Variants in ARHGEF38 observed in about 807,000 individuals in gnomAD.
The protein encoded by ARHGEF38 is Rho guanine nucleotide exchange factor (GEF) 38.
A neutral mutation model predicts 79.9 loss-of-function variants in ARHGEF38; 79 were observed. That is an observed-to-expected ratio of 0.99 (90% CI 0.82 to 1.19). The LOEUF (loss-of-function observed/expected upper bound fraction) is 1.19. ARHGEF38 is among the 50% of genes most tolerant of loss of function. The pLI is 0.00. For synonymous variants in ARHGEF38, 366 were observed against 328.3 expected (o/e 1.11, Z -1.24); for missense variants, 962 against 907.2 (o/e 1.06, Z -0.78).
intron 4 of ARHGEF38, among the ~76,000 whole-genome samples, chr4:105,631,969 G>A (rs759933665): frequency 1.2e-4 from 19 of 152,006 alleles, no homozygotes; most frequent in African/African-American, 2.4e-4. Context: ...ATGTACACCC[G>A]TCTGATCCTG....
chr4:105,581,477 C>T (rs1049603343), intron 1 of ARHGEF38, among the ~76,000 whole-genome samples: 7 of 152,152 alleles, frequency 4.6e-5, no homozygotes, highest in Non-Finnish European at 1.0e-4. Context: ...ACATATTTTA[C>T]ATGTCTATTG....
rs140007652 is a variant in ARHGEF38 at position 105,597,769 on chromosome 4, C to T, written c.384+8334C>T. Among the ~76,000 whole-genome samples the T allele has an allele frequency of 2.2e-3, 329 of 152,232 alleles. 4 individuals are homozygous for T. Among genetic ancestry groups the T allele is most frequent in the Non-Finnish European group, 7.9e-4 (54 of 68,014 alleles). On this transcript the variant is annotated intron_variant, in intron 2 of 13. Transcript: ENST00000420470. ...TTCTATTGTTTTGCAGGATGTTAGC[C>T]TTGGGGGAAACTTGGTAAAGGGTAC...
intron 1 of ARHGEF38, among the ~76,000 whole-genome samples, chr4:105,555,952 T>C (rs546729266): frequency 6.6e-6 from 1 of 152,286 alleles, no homozygotes; most frequent in Non-Finnish European, 1.5e-5. Context: ...ATTAAAACGA[T>C]AGAACATGGC....
At chr4:105,559,352 G>T (rs1200732789) in intron 1 of ARHGEF38, among the ~76,000 whole-genome samples, 1 of 152,116 alleles carries the variant, frequency 6.6e-6, no homozygotes, top group South Asian at 2.1e-4. Flanking sequence ...GCAGACTGTG[G>T]TTGCTGGTGT....
chr4:105,612,843 A>G (rs927934319), intron 2 of ARHGEF38, among the ~76,000 whole-genome samples: 7 of 152,154 alleles, frequency 4.6e-5, no homozygotes, highest in Non-Finnish European at 7.3e-5. Flanking sequence ...AAGGGTGTGC[A>G]TGAAATAACA....
intron 1 of ARHGEF38, among the ~76,000 whole-genome samples, chr4:105,557,598 TAAA>T (rs61065334): frequency 1.3e-4 from 18 of 137,056 alleles, no homozygotes; most frequent in Non-Finnish European, 1.1e-4. Flanking sequence ...TAGTGACCCT[TAAA>T]AAAAAAAAAA....
chr4:105,571,518 T>C (rs1478470920), intron 1 of ARHGEF38, among the ~76,000 whole-genome samples: 1 of 151,962 alleles, frequency 6.6e-6, no homozygotes, highest in African/African-American at 2.4e-5. Context: ...AAGACGGGTT[T>C]CACTGTGTTG....
chr4:105,597,788 A>G (rs944828320), intron 2 of ARHGEF38, among the ~76,000 whole-genome samples: 18 of 152,168 alleles, frequency 1.2e-4, no homozygotes, highest in African/African-American at 4.3e-4. Flanking sequence ...AACTTGGTAA[A>G]GGGTACATGG....
chr4:105,644,621 G>C (rs1729761037), intron 5 of ARHGEF38, among the ~76,000 whole-genome samples: 1 of 152,206 alleles, frequency 6.6e-6, no homozygotes, highest in African/African-American at 2.4e-5. Context: ...TAGTGATAGG[G>C]ATAGTAATAA....
chr4:105,585,559 G>T (rs1726993418), intron 1 of ARHGEF38, among the ~76,000 whole-genome samples: 1 of 152,002 alleles, frequency 6.6e-6, no homozygotes, highest in Admixed American at 6.6e-5. Context: ...TCAATTACAT[G>T]GTACTGCTTT....
intron 11 of ARHGEF38, 46 bp downstream of exon 11, chr4:105,666,366 C>T: frequency 6.8e-7 from 1 of 1,464,034 alleles, no homozygotes; most frequent in South Asian, 1.4e-5. Flanking sequence ...CACCTCTTTG[C>T]CTTATCCAAG....
intron 1 of ARHGEF38, among the ~76,000 whole-genome samples, chr4:105,569,529 G>A (rs1425580034): frequency 6.6e-6 from 1 of 152,222 alleles, no homozygotes; most frequent in Non-Finnish European, 1.5e-5. Context: ...AGTAAATCAT[G>A]GTCGTAAAAA....
intron 1 of ARHGEF38, among the ~76,000 whole-genome samples, chr4:105,561,435 GAATAGAATAGAATGGAATAGAATAGAATA>G (rs1560684386): frequency 2.2e-4 from 14 of 64,638 alleles, no homozygotes; most frequent in African/African-American, 1.1e-3. Context: ...GAATAGAATA[GAATAGAATAGAATGGAATAGAATAGAATA>G]GAATAGAATA....
intron 5 of ARHGEF38, 150 bp from the exon 6 acceptor site, chr4:105,645,038 T>C: frequency 1.5e-6 from 1 of 648,372 alleles, no homozygotes. Context: ...CTTTCTGTCG[T>C]CTTTTGCTCT....
intron 4 of ARHGEF38, among the ~76,000 whole-genome samples, chr4:105,635,637 A>G (rs986750505): frequency 2.0e-5 from 3 of 152,106 alleles, no homozygotes; most frequent in Non-Finnish European, 4.4e-5. Context: ...TATCTGGCAA[A>G]TAAAATTTCC....
chr4:105,584,128 G>T (rs925452200), intron 1 of ARHGEF38, among the ~76,000 whole-genome samples: 3 of 152,106 alleles, frequency 2.0e-5, no homozygotes, highest in African/African-American at 2.4e-5. Context: ...TTATGCTGTT[G>T]TTACAAAAAA....
At chr4:105,657,469 T>C (rs1478232348) in intron 9 of ARHGEF38, among the ~76,000 whole-genome samples, 1 of 152,208 alleles carries the variant, frequency 6.6e-6, no homozygotes, top group Non-Finnish European at 1.5e-5. Flanking sequence ...GCAGTTATTC[T>C]TATCTAACCA....
chr4:105,578,818 A>G (rs1726636686), intron 1 of ARHGEF38, among the ~76,000 whole-genome samples: 1 of 152,142 alleles, frequency 6.6e-6, no homozygotes, highest in African/African-American at 2.4e-5. Context: ...AAGTCTCTGG[A>G]AGACAGTTGA....
intron 3 of ARHGEF38, among the ~76,000 whole-genome samples, chr4:105,614,903 G>A (rs1176975641): frequency 6.6e-6 from 1 of 152,108 alleles, no homozygotes; most frequent in East Asian, 1.9e-4. Flanking sequence ...TTGAAGGTGT[G>A]GGTATAATAC....
Sources: gnomAD v4.1 joint callset for allele counts (sites outside exome capture counted in the v4.1 genomes callset) on GRCh38, gnomAD v4.1.1 for gene constraint, MANE v1.5 for transcripts, NCBI Gene and HGNC (gene_info 2026-07-23, HGNC 2026-07-21) for gene names.